PBX3: variants seen among roughly 807,000 people sequenced by gnomAD.
The protein encoded by PBX3 is pre-B-cell leukemia transcription factor 3.
Under a neutral mutation model 48.5 loss-of-function variants are expected in PBX3, and 14 were observed. That is an observed-to-expected ratio of 0.29 (90% confidence interval 0.19 to 0.45). The LOEUF is 0.45. Ranked by LOEUF, PBX3 falls within the 20% of genes least tolerant of loss-of-function variation. PBX3 has a pLI of 1.00. For synonymous variants in PBX3, 210 were observed against 200.3 expected (o/e 1.05, Z -0.41); for missense variants, 386 against 546.7 (o/e 0.71, Z 2.93).
In PBX3 at chr9:125,871,505, A is replaced by G. The variant is rs1048557067; in HGVS notation, c.275-44181A>G. Among the ~76,000 whole-genome samples, 7 of 152,362 alleles carry G rather than the reference A, an allele frequency of 4.6e-5. No homozygotes were observed. In the East Asian group the frequency reaches 1.3e-3, roughly 29 times the overall value. ...GTAGGAATGAACTCTTCCACATTCA[A>G]GAACATAATAGCACATGTAGAATGT... On this transcript the variant is annotated intron_variant, in intron 2 of 8. Transcript: ENST00000373489.
chr9:125,862,743 A>T (rs942337910), intron 2 of PBX3, among the ~76,000 whole-genome samples: 2 of 152,158 alleles, frequency 1.3e-5, no homozygotes, highest in Non-Finnish European at 2.9e-5. Context: ...TACACAAAGG[A>T]TGATATTGTA....
intron 2 of PBX3, among the ~76,000 whole-genome samples, chr9:125,823,123 G>C (rs975788573): frequency 6.6e-6 from 1 of 152,110 alleles, no homozygotes; most frequent in East Asian, 1.9e-4. Context: ...ATTTGATGAC[G>C]CTTCTGTGGT....
intron 2 of PBX3, among the ~76,000 whole-genome samples, chr9:125,803,780 A>G (rs1006559337): frequency 1.3e-5 from 2 of 152,248 alleles, no homozygotes; most frequent in African/African-American, 2.4e-5. Flanking sequence ...TAGACATACA[A>G]TAAACTGTAC....
At chr9:125,903,084 G>A (rs2132429102) in intron 2 of PBX3, among the ~76,000 whole-genome samples, 1 of 151,808 alleles carries the variant, frequency 6.6e-6, no homozygotes, top group African/African-American at 2.4e-5. Flanking sequence ...GGCATTTAGT[G>A]TATATTTTAT....
chr9:125,935,711 C>A, intron 5 of PBX3, 104 bp downstream of exon 5: 2 of 1,084,674 alleles, frequency 1.8e-6, no homozygotes, highest in South Asian at 1.8e-5. Flanking sequence ...GTTCTATCAT[C>A]AAAAAAGATA....
intron 2 of PBX3, among the ~76,000 whole-genome samples, chr9:125,903,635 T>G (rs1471361036): frequency 6.6e-6 from 1 of 151,914 alleles, no homozygotes; most frequent in Non-Finnish European, 1.5e-5. Flanking sequence ...GTCTTCAAAA[T>G]CTTTGTTTCA....
intron 2 of PBX3, among the ~76,000 whole-genome samples, chr9:125,819,773 T>C (rs932746908): frequency 6.6e-6 from 1 of 151,866 alleles, no homozygotes; most frequent in East Asian, 1.9e-4. Flanking sequence ...TACTCTTCAC[T>C]TTTAAGTTTA....
At chr9:125,846,596 A>G (rs1328198125) in intron 2 of PBX3, among the ~76,000 whole-genome samples, 1 of 152,000 alleles carries the variant, frequency 6.6e-6, no homozygotes, top group Non-Finnish European at 1.5e-5. Context: ...AGCACCAAAC[A>G]GCAAACACAG....
chr9:125,879,351 G>A lies in PBX3; in HGVS notation c.275-36335G>A, dbSNP rs145200967. ...GCACCTCGGCCTCCCAAAGTTCTGG[G>A]ATTACAGGCGTGAGCCACCGTGCCC... is the stretch of plus-strand genomic sequence containing the variant. On this transcript the variant is annotated intron_variant, in intron 2 of 8. Transcript: ENST00000373489. 7.9e-3 allele frequency among the ~76,000 whole-genome samples: 1,206 copies of A among 152,048 alleles called. 34 individuals are homozygous for A. The East Asian group carries it at 0.094, about 12-fold the overall frequency.
At chr9:125,786,639 G>A (rs1837464007) in intron 2 of PBX3, among the ~76,000 whole-genome samples, 1 of 152,114 alleles carries the variant, frequency 6.6e-6, no homozygotes, top group Non-Finnish European at 1.5e-5. Context: ...AGAGTTAAGA[G>A]CACAAATAGA....
At position 125,828,657 on chromosome 9, in the gene PBX3, T is replaced by A. The variant is rs910966923; in HGVS notation, c.274+80034T>A. Among the ~76,000 whole-genome samples, 4 of 152,208 alleles carry A rather than the reference T, an allele frequency of 2.6e-5. No individual in the cohort carries two copies. In the East Asian group the frequency reaches 5.8e-4, roughly 22 times the overall value. ...CAGACCAAACATAGTAACTTTGAGC[T>A]ATAGTTAAACAATTTACTTATGATA... On this transcript the variant is annotated intron_variant, in intron 2 of 8. Coordinates refer to ENST00000373489, the MANE Select transcript of PBX3 (RefSeq NM_006195.6).
chr9:125,920,849 G>C (rs1284686456), intron 3 of PBX3, among the ~76,000 whole-genome samples: 6 of 152,212 alleles, frequency 3.9e-5, no homozygotes, highest in Admixed American at 6.5e-5. Context: ...AGGACTTACA[G>C]ATTGCAGGGG....
chr9:125,898,357 T>G (rs540020964), intron 2 of PBX3, among the ~76,000 whole-genome samples: 1 of 151,568 alleles, frequency 6.6e-6, no homozygotes, highest in Admixed American at 6.6e-5. Flanking sequence ...TTTAGGGAAT[T>G]TAGTATAATA....
Position 125,960,767 on chromosome 9 carries a change from A to C in PBX3, c.927A>C (p.Ala309=). Residue 309 remains alanine (A), a synonymous_variant, in exon 6 of 9, where the codon GCA becomes GCC. Coordinates refer to ENST00000373489, the MANE Select transcript of PBX3 (RefSeq NM_006195.6). The part of the protein sequence containing the change: ...KFQEEANLYA[A]KTAVTAAHAV... ...AGGAAGAAGCCAACCTCTATGCTGC[A>C]AAGACGGCCGTGACAGCTGCACACG... is the stretch of plus-strand genomic sequence containing the variant. 6.2e-7 allele frequency: 1 copy of C among 1,614,238 alleles called. No individual in the cohort carries two copies. Among genetic ancestry groups the C allele is most frequent in the Non-Finnish European group, 8.5e-7 (1 of 1,180,036 alleles).
chr9:125,965,956 C>A lies in PBX3; in HGVS notation c.*33C>A. ...CCACACTTTTCCCTGAGCTACATGCCTTGATAAGTGCATTCAGAGCAATAG... is the reference window on the plus strand; with the variant it reads ...CCACACTTTTCCCTGAGCTACATGCATTGATAAGTGCATTCAGAGCAATAG... On this transcript the variant is annotated 3_prime_UTR_variant, in exon 9 of 9. Transcript: ENST00000373489. The A allele has an allele frequency of 6.7e-7, 1 of 1,498,380 alleles. No individual in the cohort carries two copies. The highest frequency in any genetic ancestry group is 9.3e-7 in the Non-Finnish European group (1 of 1,074,780). 92.8% of individuals were successfully genotyped at this position (1,498,380 alleles called of 1,614,324 possible). A position where few individuals can be genotyped will look rare whatever the true frequency, so the allele number is the denominator to read the frequency against.
chr9:125,937,224 C>T (rs1157199481), intron 5 of PBX3, among the ~76,000 whole-genome samples: 3 of 152,140 alleles, frequency 2.0e-5, no homozygotes, highest in Non-Finnish European at 4.4e-5. Context: ...GTACTTCACA[C>T]TTTGTGTGTA....
chr9:125,779,893 C>T (rs1167381157), intron 2 of PBX3, among the ~76,000 whole-genome samples: 3 of 110,386 alleles, frequency 2.7e-5, no homozygotes, highest in East Asian at 6.6e-4. Flanking sequence ...GGGGGGCTGA[C>T]CCCCCCACCT....
chr9:125,950,441 A>G (rs1286694703), intron 5 of PBX3, among the ~76,000 whole-genome samples: 2 of 151,930 alleles, frequency 1.3e-5, no homozygotes, highest in Non-Finnish European at 1.5e-5. Flanking sequence ...GATGTTTTCC[A>G]AAAGTTGGTT....
At chr9:125,951,329 G>C (rs1044193942) in intron 5 of PBX3, among the ~76,000 whole-genome samples, 2 of 152,240 alleles carry the variant, frequency 1.3e-5, no homozygotes, top group East Asian at 1.9e-4. Context: ...GCAGACAGGC[G>C]CTCTTGGTCT....
Sources: allele counts gnomAD v4.1 joint callset (sites outside exome capture counted in the v4.1 genomes callset), GRCh38; gene constraint gnomAD v4.1.1; transcripts MANE v1.5; gene names NCBI Gene and HGNC (gene_info 2026-07-23, HGNC 2026-07-21).